Variants in DIS3 observed in about 807,000 individuals in gnomAD.
The protein encoded by DIS3 is exosome complex exonuclease RRP44.
In DIS3, 103 loss-of-function variants were observed where a neutral mutation model predicts 113.0. The ratio of observed to expected loss-of-function variants is 0.91; its 90% CI spans 0.78 to 1.07. The LOEUF is 1.07. Among genes scored for constraint, DIS3 ranks in the 50% least tolerant of loss-of-function variants. The pLI, the probability that DIS3 is intolerant of heterozygous loss-of-function variation, is 0.00. For synonymous variants in DIS3, 402 were observed against 394.3 expected (o/e 1.02, Z -0.23); for missense variants, 1,121 against 1,167.1 (o/e 0.96, Z 0.58).
Position 72,755,080 on chromosome 13 carries a change from C to T in DIS3, c.*4715G>A. ...GAAACGTGCTTTTAGGTTTTAAAAACAGTCCCGATAATTGCATCCTCCAGT... is the reference window on the plus strand; with the variant it reads ...GAAACGTGCTTTTAGGTTTTAAAAATAGTCCCGATAATTGCATCCTCCAGT... On this transcript the variant is annotated 3_prime_UTR_variant, in exon 21 of 21. Coordinates refer to ENST00000377767, the MANE Select transcript of DIS3 (RefSeq NM_014953.5). 7.6e-7 allele frequency: 1 copy of T among 1,313,876 alleles called. No individual in the cohort carries two copies. The highest frequency in any genetic ancestry group is 1.1e-6 in the Non-Finnish European group (1 of 913,680). The allele number at this position is 1,313,876 out of a possible 1,614,324, so 81.4% of individuals were successfully genotyped here.
chr13:72,755,395 C>T lies in DIS3; in HGVS notation c.*4400G>A, dbSNP rs765266815. ...AGGAACAACAGAAATGCTCCTGGAA[C>T]TTCAAGTTGCTGAATTATAAGTTTA... On this transcript the variant is annotated 3_prime_UTR_variant, in exon 21 of 21. Coordinates refer to ENST00000377767, the MANE Select transcript of DIS3 (RefSeq NM_014953.5). The T allele has an allele frequency of 3.2e-5, 17 of 532,440 alleles. No homozygotes were observed. Among genetic ancestry groups the T allele is most frequent in the Admixed American group, 1.4e-4 (4 of 28,756 alleles). The allele number at this position is 532,440 out of a possible 1,614,324, so 33.0% of individuals were successfully genotyped here. A position where few individuals can be genotyped will look rare whatever the true frequency, so the allele number is the denominator to read the frequency against.
intron 16 of DIS3, 99 bp downstream of exon 16, chr13:72,763,352 C>A: frequency 7.3e-7 from 1 of 1,362,782 alleles, no homozygotes; most frequent in South Asian, 1.6e-5. Flanking sequence ...CTTGTATTAA[C>A]AAACAATAAA....
In DIS3 at chr13:72,781,840, C is replaced by A. The variant is rs990589297; in HGVS notation, c.-8G>T. 6.4e-7 allele frequency: 1 copy of A among 1,569,930 alleles called. No individual in the cohort carries two copies. The highest frequency in any genetic ancestry group is 8.7e-7 in the Non-Finnish European group (1 of 1,154,244). ...CGTCTTGGACTTGAGCATCTTGCCT[C>A]GCCGCGCAGAATCCTAACCCCAGCA... On this transcript the variant is annotated 5_prime_UTR_variant, in exon 1 of 21. Transcript: ENST00000377767.
Position 72,770,991 on chromosome 13 carries a change from G to C in DIS3, c.1671-3C>G. The C allele has an allele frequency of 6.2e-7, 1 of 1,604,126 alleles. No homozygotes were observed. The highest frequency in any genetic ancestry group is 8.5e-7 in the Non-Finnish European group (1 of 1,174,912). ...CCCAAATACATGAAAATGCCAGCCT[G>C]TGAAGGAAAATACAGAGTATTTGTT... On this transcript the variant is annotated splice_polypyrimidine_tract_variant and splice_region_variant and intron_variant, in intron 12 of 20. Coordinates refer to ENST00000377767, the MANE Select transcript of DIS3 (RefSeq NM_014953.5).
chr13:72,779,355 T>G (rs1001647882), intron 2 of DIS3, among the ~76,000 whole-genome samples: 4 of 152,152 alleles, frequency 2.6e-5, no homozygotes, highest in African/African-American at 9.7e-5. Context: ...TGGCCTCAAG[T>G]GATCTGCCCA....
Position 72,777,446 on chromosome 13 carries a change from G to C in DIS3, c.628C>G (p.Arg210Gly), listed in dbSNP as rs199781436. 33 of 1,613,902 alleles carry C rather than the reference G, an allele frequency of 2.0e-5. No homozygotes were observed. The highest frequency in any genetic ancestry group is 6.7e-5 in the Admixed American group (4 of 59,982). The change falls in exon 4 of 21, where the codon CGT becomes GGT. Residue 210 changes from arginine to glycine, a missense_variant. Coordinates refer to ENST00000377767, the MANE Select transcript of DIS3 (RefSeq NM_014953.5). ...SLTANPELID[R>G]LACLSEEGNE... ...CCTTCTTCAGACAAACAAGCAAGAC[G>C]ATCTATGAGTTCGGGGTTAGCAGTT...
rs2033467402 is a variant in DIS3 at position 72,756,188 on chromosome 13, T to C, written c.*3607A>G. 12 of 40,910 alleles carry C rather than the reference T, an allele frequency of 2.9e-4. No individual in the cohort carries two copies. In the East Asian group the frequency reaches 6.7e-3, roughly 23 times the overall value. The allele number at this position is 40,910 out of a possible 1,614,324, so 2.5% of individuals were successfully genotyped here. A position where few individuals can be genotyped will look rare whatever the true frequency, so the allele number is the denominator to read the frequency against. On this transcript the variant is annotated 3_prime_UTR_variant, in exon 21 of 21. Coordinates refer to ENST00000377767, the MANE Select transcript of DIS3 (RefSeq NM_014953.5). ...TCATTCAAAAGGGAATAAAGACCTG[T>C]GTTATCAATGTGTCATTTTCTTCTT...
chr13:72,760,218 G>T (rs148586909), intron 20 of DIS3, among the ~76,000 whole-genome samples: 2 of 152,254 alleles, frequency 1.3e-5, no homozygotes, highest in Admixed American at 1.3e-4. Context: ...TTAAGAACCA[G>T]TATCTTAGGT....
At position 72,755,626 on chromosome 13, in the gene DIS3, C is replaced by T. The variant is rs1246371594; in HGVS notation, c.*4169G>A. On this transcript the variant is annotated 3_prime_UTR_variant, in exon 21 of 21. Transcript: ENST00000377767. ...ATTTTTACATAAAAGCTTGAACATA[C>T]AGATGAATTATAACCTATGTGAAGA... The T allele has an allele frequency of 8.2e-6, 3 of 365,632 alleles. No homozygotes were observed. The highest frequency in any genetic ancestry group is 1.5e-5 in the Non-Finnish European group (3 of 206,612). The allele number at this position is 365,632 out of a possible 1,614,324, so 22.6% of individuals were successfully genotyped here. A position where few individuals can be genotyped will look rare whatever the true frequency, so the allele number is the denominator to read the frequency against.
Position 72,755,849 on chromosome 13 carries a change from G to A in DIS3, c.*3946C>T, listed in dbSNP as rs2033450369. ...TCATCACGTGTATTGTTATCTATGG[G>A]GCAAATGTGTGGTGCCCAGAATAAA... On this transcript the variant is annotated 3_prime_UTR_variant, in exon 21 of 21. Transcript: ENST00000377767. 1 of 398,534 alleles carries A rather than the reference G, an allele frequency of 2.5e-6. No individual in the cohort carries two copies. Among genetic ancestry groups the A allele is most frequent in the Admixed American group, 4.4e-5 (1 of 22,718 alleles). 24.7% of individuals were successfully genotyped at this position (398,534 alleles called of 1,614,324 possible).
rs1261075162 is a variant in DIS3 at position 72,756,227 on chromosome 13, T to C, written c.*3568A>G. On this transcript the variant is annotated 3_prime_UTR_variant, in exon 21 of 21. Coordinates refer to ENST00000377767, the MANE Select transcript of DIS3 (RefSeq NM_014953.5). ...CATTTTCTTCTTTCCTCCATAACTG[T>C]ACCTTGAAACCTTACTGCTGACCTG... The C allele has an allele frequency of 4.3e-6, 1 of 233,864 alleles. No homozygotes were observed. 14.5% of individuals were successfully genotyped at this position (233,864 alleles called of 1,614,324 possible).
Position 72,753,590 on chromosome 13 carries a change from C to A in DIS3, c.*6205G>T. 3.3e-6 allele frequency: 4 copies of A among 1,219,106 alleles called. No individual in the cohort carries two copies. Among genetic ancestry groups the A allele is most frequent in the Non-Finnish European group, 3.5e-6 (3 of 869,380 alleles). 75.5% of individuals were successfully genotyped at this position (1,219,106 alleles called of 1,614,324 possible). A position where few individuals can be genotyped will look rare whatever the true frequency, so the allele number is the denominator to read the frequency against. ...CATGATCAATATTACATGTTAGGAT[C>A]ATTCAGATGTAGTGAATGAGAGTTT... On this transcript the variant is annotated 3_prime_UTR_variant, in exon 21 of 21. Coordinates refer to ENST00000377767, the MANE Select transcript of DIS3 (RefSeq NM_014953.5).
chr13:72,755,138 T>G lies in DIS3; in HGVS notation c.*4657A>C, dbSNP rs1566232259. 6.2e-7 allele frequency: 1 copy of G among 1,612,936 alleles called. No homozygotes were observed. Among genetic ancestry groups the G allele is most frequent in the Non-Finnish European group, 8.5e-7 (1 of 1,179,362 alleles). On this transcript the variant is annotated 3_prime_UTR_variant, in exon 21 of 21. Coordinates refer to ENST00000377767, the MANE Select transcript of DIS3 (RefSeq NM_014953.5). Reference sequence around the variant, plus strand: ...CTTAAACTGAAAACAAGGTATTGTCTTCTTTTTCACAGCAAGACCACACAA... The same window carrying G: ...CTTAAACTGAAAACAAGGTATTGTCGTCTTTTTCACAGCAAGACCACACAA...
intron 14 of DIS3, 49 bp from the exon 15 acceptor site, chr13:72,766,107 G>C: frequency 6.9e-7 from 1 of 1,451,724 alleles, no homozygotes; most frequent in Non-Finnish European, 9.4e-7. Flanking sequence ...GCCAATAAAA[G>C]ACAAAAGTAT....
chr13:72,767,063 G>T lies in DIS3; in HGVS notation c.1884-1005C>A, dbSNP rs76043869. Reference sequence around the variant, plus strand: ...TAATGGATTTTGACATAAAAAGCAAGGTATACTTATCACATTTTGATCATT... The same window carrying T: ...TAATGGATTTTGACATAAAAAGCAATGTATACTTATCACATTTTGATCATT... On this transcript the variant is annotated intron_variant, in intron 14 of 20. Coordinates refer to ENST00000377767, the MANE Select transcript of DIS3 (RefSeq NM_014953.5). Among the ~76,000 whole-genome samples, 1,045 of 152,132 alleles carry T rather than the reference G, an allele frequency of 6.9e-3. 16 individuals are homozygous for T. The highest frequency in any genetic ancestry group is 0.024 in the African/African-American group (1,009 of 41,508).
rs2138258609 is a variant in DIS3, at chr13:72,781,618, A to G, written c.215T>C (p.Val72Ala). 6.6e-7 allele frequency: 1 copy of G among 1,525,728 alleles called. No homozygotes were observed. Among genetic ancestry groups the G allele is most frequent in the Non-Finnish European group, 8.8e-7 (1 of 1,132,706 alleles). The allele number at this position is 1,525,728 out of a possible 1,614,324, so 94.5% of individuals were successfully genotyped here. A position where few individuals can be genotyped will look rare whatever the true frequency, so the allele number is the denominator to read the frequency against. ...QPHYLLPDTN[V>A]LLHQIDVLED... Reference sequence around the variant, plus strand: ...CCGCCCACGCACCTGGTGCAGTAACACATTAGTGTCGGGCAGCAAGTAGTG... The same window carrying G: ...CCGCCCACGCACCTGGTGCAGTAACGCATTAGTGTCGGGCAGCAAGTAGTG... The change falls in exon 1 of 21, where the codon GTG becomes GCG. Residue 72 changes from valine (V) to alanine (A), a missense_variant. Transcript: ENST00000377767.
intron 2 of DIS3, 83 bp from the exon 3 acceptor site, chr13:72,778,463 C>T (rs1305927321): frequency 2.6e-6 from 3 of 1,134,898 alleles, no homozygotes; most frequent in African/African-American, 3.0e-5. Context: ...AATGCTTAAC[C>T]ACTAAACTAG....
Position 72,774,047 on chromosome 13 carries a change from C to T in DIS3, c.1000G>A (p.Val334Ile). Residue 334 changes from valine (V) to isoleucine (I), a missense_variant, in exon 7 of 21, where the codon GTA (valine) becomes ATA (isoleucine). By Grantham distance (29) the Val-to-Ile change is conservative. Transcript: ENST00000377767. ...GTAGGCTTCAACATTTTCTCGCTTA[C>T]AGCAGTCTTAAGCTGAGATATAAAA... ...EETERMLKTA[V>I]SEKMLKPTGR... 1.2e-6 allele frequency: 2 copies of T among 1,601,828 alleles called. No individual in the cohort carries two copies. Among genetic ancestry groups the T allele is most frequent in the South Asian group, 1.1e-5 (1 of 88,336 alleles).
rs1337060003 is a variant in DIS3, at chr13:72,759,850, G to A, written c.2822C>T (p.Thr941Ile). ...TGGTCCATTAAGGTCCATGTTTGAA[G>A]TATCAGTAGGAATGCTTATTCCTGG... ...QIPGISIPTD[T>I]SNMDLNGPKK... is the part of the protein sequence containing the mutation. The change falls in exon 21 of 21, where the codon ACT (threonine) becomes ATT (isoleucine). Residue 941 changes from threonine to isoleucine, a missense_variant. Physicochemically the swap from Thr to Ile is moderately conservative, Grantham distance 89. This residue lies in a region of DIS3 where 861 missense variants were observed against 915.5 expected (regional missense o/e 0.94). Coordinates refer to ENST00000377767, the MANE Select transcript of DIS3 (RefSeq NM_014953.5). 6.2e-7 allele frequency: 1 copy of A among 1,613,258 alleles called. No homozygotes were observed.
Sources: gnomAD v4.1 joint callset for allele counts (sites outside exome capture counted in the v4.1 genomes callset) on GRCh38, gnomAD v4.1.1 for gene constraint, gnomAD v4.1.1 regional missense constraint, MANE v1.5 for transcripts, NCBI Gene and HGNC (gene_info 2026-07-23, HGNC 2026-07-21) for gene names.